The following MDFIC2 variants were observed in gnomAD, a reference collection of about 807,000 sequenced individuals.
MDFIC2 encodes the protein myoD family inhibitor domain-containing protein 2.
At chr3:70,207,988 T>A (rs1028941625) in intron 2 of MDFIC2, among the ~76,000 whole-genome samples, 11 of 151,986 alleles carry the variant, frequency 7.2e-5, no homozygotes, top group Admixed American at 2.6e-4. Context: ...ACCTTGACCT[T>A]CATGAGCATC....
chr3:70,242,649 G>A (rs1481399352), intron 2 of MDFIC2, among the ~76,000 whole-genome samples: 2 of 152,138 alleles, frequency 1.3e-5, no homozygotes, highest in African/African-American at 2.4e-5. Context: ...ATGTATTGAC[G>A]TTCATGTGTT....
chr3:70,213,206 C>G (rs1361046096), intron 2 of MDFIC2, among the ~76,000 whole-genome samples: 1 of 152,108 alleles, frequency 6.6e-6, no homozygotes, highest in Non-Finnish European at 1.5e-5. Flanking sequence ...CTCCTGGGCT[C>G]AAGTGATCCT....
At position 70,206,669 on chromosome 3, in the gene MDFIC2, T is replaced by G. The variant is rs915241936; in HGVS notation, c.210A>C (p.Lys70Asn). 2.5e-6 allele frequency: 1 copy of G among 397,962 alleles called. No individual in the cohort carries two copies. The highest frequency in any genetic ancestry group is 4.4e-6 in the Non-Finnish European group (1 of 225,638). The allele number at this position is 397,962 out of a possible 1,614,324, so 24.7% of individuals were successfully genotyped here. A position where few individuals can be genotyped will look rare whatever the true frequency, so the allele number is the denominator to read the frequency against. Residue 70 changes from lysine (K) to asparagine (N), a missense_variant, in exon 3 of 4, where the codon AAA (lysine) becomes AAC (asparagine). Physicochemically the swap from Lys to Asn is moderately conservative, Grantham distance 94. Transcript: ENST00000567252. ...ACAGTGATGTGCTGGATTCTGACAG[T>G]TTTTTCTCATTGGGGTTTTCCTTGG... is the stretch of plus-strand genomic sequence containing the variant. ...GPAKENPNEKKLSESSTSLSS... is the reference protein window; with the variant it reads ...GPAKENPNEKNLSESSTSLSS...
In MDFIC2 at chr3:70,211,819, C is replaced by T. The variant is rs186769354; in HGVS notation, c.89-5029G>A. Among the ~76,000 whole-genome samples, 16 of 147,708 alleles carry T rather than the reference C, an allele frequency of 1.1e-4. No homozygotes were observed. In the East Asian group the frequency reaches 2.6e-3, roughly 24 times the overall value. On this transcript the variant is annotated intron_variant, in intron 2 of 3. Coordinates refer to ENST00000567252, the MANE Select transcript of MDFIC2 (RefSeq NM_001364677.1). ...TTTCCTTTCCTTACCCTTCCCTTCC[C>T]TTCCCTTTTTCCTTTTTCCTTTTCC...
chr3:70,230,672 A>G (rs543034755), intron 2 of MDFIC2, among the ~76,000 whole-genome samples: 52 of 152,308 alleles, frequency 3.4e-4, no homozygotes, highest in African/African-American at 1.2e-3. Flanking sequence ...CGGTAATTTG[A>G]TAATCAATTC....
intron 2 of MDFIC2, among the ~76,000 whole-genome samples, chr3:70,279,487 A>T (rs1702059888): frequency 6.6e-6 from 1 of 151,994 alleles, no homozygotes; most frequent in Non-Finnish European, 1.5e-5. Context: ...CCACACACAA[A>T]TCTTGTGCAC....
chr3:70,264,492 A>C (rs759335718), intron 2 of MDFIC2, among the ~76,000 whole-genome samples: 3 of 152,266 alleles, frequency 2.0e-5, no homozygotes, highest in African/African-American at 4.8e-5. Flanking sequence ...CATGACCAGC[A>C]TATTCTCTCC....
At chr3:70,273,352 C>T (rs527320186) in intron 2 of MDFIC2, among the ~76,000 whole-genome samples, 34 of 152,026 alleles carry the variant, frequency 2.2e-4, no homozygotes, top group South Asian at 8.3e-4. Flanking sequence ...CTTTTTTCTT[C>T]GTAAAAATGA....
At chr3:70,241,663 C>T (rs1158477248) in intron 2 of MDFIC2, among the ~76,000 whole-genome samples, 1 of 152,156 alleles carries the variant, frequency 6.6e-6, no homozygotes, top group Non-Finnish European at 1.5e-5. Context: ...GAAGCAAATA[C>T]TTTAACCAAA....
chr3:70,302,971 CAGA>C (rs1702365252), intron 2 of MDFIC2, among the ~76,000 whole-genome samples: 2 of 152,130 alleles, frequency 1.3e-5, no homozygotes. Flanking sequence ...TATGAGAACA[CAGA>C]AGATCTCATC....
intron 2 of MDFIC2, among the ~76,000 whole-genome samples, chr3:70,229,284 T>G (rs1466494370): frequency 6.6e-6 from 1 of 152,200 alleles, no homozygotes; most frequent in Non-Finnish European, 1.5e-5. Flanking sequence ...AAGAATTTAG[T>G]GGGCAACCAT....
rs1355636938 is a variant in MDFIC2, at chr3:70,300,436, TA to T, written c.88+11449del. Among the ~76,000 whole-genome samples the T allele has an allele frequency of 3.3e-5, 5 of 152,162 alleles. No homozygotes were observed. The South Asian group carries it at 6.2e-4, about 19-fold the overall frequency. ...TATCTTACAAATTGAAGATATCCAA[TA>T]AAAATATAGTTAGAAGGGCATAGAG... is the stretch of plus-strand genomic sequence containing the variant. On this transcript the variant is annotated intron_variant, in intron 2 of 3. Coordinates refer to ENST00000567252, the MANE Select transcript of MDFIC2 (RefSeq NM_001364677.1).
chr3:70,239,068 T>C (rs2106640117), intron 2 of MDFIC2, among the ~76,000 whole-genome samples: 1 of 152,318 alleles, frequency 6.6e-6, no homozygotes, highest in Middle Eastern at 3.4e-3. Flanking sequence ...CTGAATCTTA[T>C]GCTAAAATGA....
At chr3:70,289,050 C>T (rs1360333310) in intron 2 of MDFIC2, among the ~76,000 whole-genome samples, 5 of 151,834 alleles carry the variant, frequency 3.3e-5, no homozygotes, top group East Asian at 1.9e-4. Flanking sequence ...GAGCATTTAG[C>T]CCATTTACAT....
chr3:70,216,012 G>C (rs1415588809), intron 2 of MDFIC2, among the ~76,000 whole-genome samples: 1 of 151,834 alleles, frequency 6.6e-6, no homozygotes, highest in African/African-American at 2.4e-5. Flanking sequence ...GATATCTGTA[G>C]AACTGTGAAA....
At chr3:70,269,665 C>A (rs1575611312) in intron 2 of MDFIC2, among the ~76,000 whole-genome samples, 1 of 152,184 alleles carries the variant, frequency 6.6e-6, no homozygotes, top group African/African-American at 2.4e-5. Flanking sequence ...TTTGTTTTAA[C>A]AGCAGAAAAT....
intron 2 of MDFIC2, among the ~76,000 whole-genome samples, chr3:70,277,802 A>T (rs1054625464): frequency 2.0e-5 from 3 of 152,052 alleles, no homozygotes; most frequent in African/African-American, 7.2e-5. Flanking sequence ...CCCATTTTTT[A>T]TACAAATGGT....
At chr3:70,222,134 G>T (rs1189696868) in intron 2 of MDFIC2, among the ~76,000 whole-genome samples, 3 of 152,086 alleles carry the variant, frequency 2.0e-5, no homozygotes, top group Non-Finnish European at 4.4e-5. Context: ...GCTTCTCCCT[G>T]TCTCCCCAGG....
intron 2 of MDFIC2, among the ~76,000 whole-genome samples, chr3:70,222,250 C>T (rs1375747007): frequency 6.6e-6 from 1 of 152,116 alleles, no homozygotes; most frequent in African/African-American, 2.4e-5. Context: ...TTCATACTTG[C>T]TTTTGGCAAC....
Sources: gnomAD v4.1 joint callset for allele counts (sites outside exome capture counted in the v4.1 genomes callset) on GRCh38, gnomAD v4.1.1 for gene constraint, MANE v1.5 for transcripts, NCBI Gene and HGNC (gene_info 2026-07-23, HGNC 2026-07-21) for gene names.